Variants in MORC1 observed in about 807,000 individuals in gnomAD.
The protein encoded by MORC1 is MORC family CW-type zinc finger 1.
MORC1 carries 59 observed loss-of-function variants against 134.9 expected under a neutral mutation model. The observed-to-expected ratio is 0.44, with a 90% CI of 0.35 to 0.54. The LOEUF (loss-of-function observed/expected upper bound fraction) is 0.54. Ranked by LOEUF, MORC1 falls within the 20% of genes least tolerant of loss-of-function variation. The pLI is 0.00. For missense variants in MORC1, 947 were observed against 1,134.5 expected, an observed-to-expected ratio of 0.83 and a Z score of 2.37; for synonymous variants, 395 against 391.7, an observed-to-expected ratio of 1.01 and a Z score of -0.10.
chr3:109,047,302 T>A (rs1282237984), intron 14 of MORC1, among the ~76,000 whole-genome samples: 1 of 152,086 alleles, frequency 6.6e-6, no homozygotes, highest in African/African-American at 2.4e-5. Flanking sequence ...CAGGGAAAAA[T>A]CAAACTATAA....
At chr3:109,002,491 C>T (rs1300852036) in intron 20 of MORC1, among the ~76,000 whole-genome samples, 1 of 152,164 alleles carries the variant, frequency 6.6e-6, no homozygotes, top group East Asian at 1.9e-4. Context: ...TTTCATGTGA[C>T]ACACGCATTT....
At position 109,068,920 on chromosome 3, in the gene MORC1, C is replaced by T. The variant is rs1237293604; in HGVS notation, c.815+712G>A. 2.6e-5 allele frequency among the ~76,000 whole-genome samples: 4 copies of T among 152,314 alleles called. No individual in the cohort carries two copies. The South Asian group carries it at 6.2e-4, about 24-fold the overall frequency. On this transcript the variant is annotated intron_variant, in intron 9 of 27. Transcript: ENST00000232603. ...CCTGCAATCCCAGCACTTTGGGAGG[C>T]CAAGGCAGGTGGATCAGTTGAGGTC...
intron 4 of MORC1, 82 bp downstream of exon 4, chr3:109,103,767 T>G: frequency 7.7e-7 from 1 of 1,307,066 alleles, no homozygotes; most frequent in Non-Finnish European, 1.1e-6. Context: ...TGTTTTTGCA[T>G]AGATAGCTCA....
At chr3:109,040,457 A>AAAGGAAGGAAGG (rs1949502808) in intron 14 of MORC1, among the ~76,000 whole-genome samples, 1 of 148,212 alleles carries the variant, frequency 6.7e-6, no homozygotes, top group African/African-American at 2.5e-5. Flanking sequence ...AGAAAGAAAG[A>AAAGGAAGGAAGG]AAGAAAGAAA....
At chr3:109,030,892 A>C (rs1949226589) in intron 16 of MORC1, among the ~76,000 whole-genome samples, 1 of 152,184 alleles carries the variant, frequency 6.6e-6, no homozygotes, top group Non-Finnish European at 1.5e-5. Context: ...GAATACCTCT[A>C]TTTACCCCGA....
At chr3:109,066,017 G>C (rs753434593) in intron 9 of MORC1, among the ~76,000 whole-genome samples, 2 of 151,998 alleles carry the variant, frequency 1.3e-5, no homozygotes, top group African/African-American at 4.8e-5. Flanking sequence ...AATACAAGAC[G>C]GGGGAGAGGG....
intron 24 of MORC1, among the ~76,000 whole-genome samples, chr3:108,976,505 A>T (rs1250094161): frequency 6.6e-6 from 1 of 152,204 alleles, no homozygotes; most frequent in African/African-American, 2.4e-5. Context: ...AACAACAAGA[A>T]AAACAACAAA....
At chr3:109,093,335 G>T in intron 8 of MORC1, 101 bp downstream of exon 8, 1 of 819,240 alleles carries the variant, frequency 1.2e-6, no homozygotes, top group Non-Finnish European at 2.0e-6. Context: ...AATTGTCCCA[G>T]TGCTAAAACC....
intron 21 of MORC1, among the ~76,000 whole-genome samples, chr3:108,996,262 ATGTGCGCGTGCGTGCG>A (rs1559879819): frequency 2.9e-5 from 3 of 103,584 alleles, no homozygotes; most frequent in African/African-American, 1.0e-4. Context: ...GCCTGTGCAC[ATGTGCGCGTGCGTGCG>A]CGCGCGCGCA....
At chr3:109,078,439 T>C (rs183867891) in intron 8 of MORC1, among the ~76,000 whole-genome samples, 1 of 152,122 alleles carries the variant, frequency 6.6e-6, no homozygotes, top group Admixed American at 6.5e-5. Flanking sequence ...AAAACATTTT[T>C]AAAAAGCAAC....
chr3:109,062,214 A>C (rs1950100139), intron 10 of MORC1, among the ~76,000 whole-genome samples, 156 bp from the exon 11 acceptor site: 1 of 152,202 alleles, frequency 6.6e-6, no homozygotes, highest in South Asian at 2.1e-4. Context: ...ACACATGTTA[A>C]ATTTTCCTTC....
chr3:108,982,585 G>GC (rs1039142665), intron 23 of MORC1, among the ~76,000 whole-genome samples: 3 of 151,432 alleles, frequency 2.0e-5, no homozygotes, highest in Non-Finnish European at 2.9e-5. Flanking sequence ...TCGTGGGATG[G>GC]GGGGGGCAGG....
At chr3:109,035,588 C>CAGTTG in intron 14 of MORC1, 120 bp from the exon 15 acceptor site, 1 of 541,826 alleles carries the variant, frequency 1.8e-6, no homozygotes, top group Non-Finnish European at 3.0e-6. Context: ...AATACATATA[C>CAGTTG]AGAAATAAGA....
intron 14 of MORC1, among the ~76,000 whole-genome samples, chr3:109,040,403 A>AAAGAAAGAAG (rs1553753628): frequency 7.4e-5 from 1 of 13,558 alleles, no homozygotes; most frequent in Non-Finnish European, 1.8e-4. Flanking sequence ...AGAAAGAAAG[A>AAAGAAAGAAG]GAAGGAAGGA....
At chr3:109,040,829 C>CAAAAAAAAAA (rs59122147) in intron 14 of MORC1, among the ~76,000 whole-genome samples, 26 of 108,612 alleles carry the variant, frequency 2.4e-4, no homozygotes, top group Admixed American at 3.5e-4. Context: ...AACTCTGTGT[C>CAAAAAAAAAA]AAAAAAAAAA....
intron 26 of MORC1, among the ~76,000 whole-genome samples, chr3:108,969,397 T>C (rs929100403): frequency 6.6e-6 from 1 of 152,212 alleles, no homozygotes; most frequent in Non-Finnish European, 1.5e-5. Flanking sequence ...GGTGAAAATA[T>C]TTCTTTAAAA....
chr3:109,040,829 CAAA>C (rs59122147), intron 14 of MORC1, among the ~76,000 whole-genome samples: 2 of 108,600 alleles, frequency 1.8e-5, no homozygotes, highest in African/African-American at 4.4e-5. Context: ...AACTCTGTGT[CAAA>C]AAAAAAAAAA....
At chr3:108,994,916 C>CAAGAAG (rs1948158095) in intron 21 of MORC1, among the ~76,000 whole-genome samples, 3 of 152,178 alleles carry the variant, frequency 2.0e-5, no homozygotes, top group Admixed American at 1.3e-4. Context: ...GTGGTTACTT[C>CAAGAAG]TTACCTCTCA....
chr3:109,055,908 G>C (rs888635550), intron 13 of MORC1, among the ~76,000 whole-genome samples: 1 of 152,144 alleles, frequency 6.6e-6, no homozygotes, highest in Non-Finnish European at 1.5e-5. Flanking sequence ...GAAGGAAATG[G>C]ACCAGTTTTA....
Sources: gnomAD v4.1 joint callset for allele counts (sites outside exome capture counted in the v4.1 genomes callset) on GRCh38, gnomAD v4.1.1 for gene constraint, MANE v1.5 for transcripts, NCBI Gene and HGNC (gene_info 2026-07-23, HGNC 2026-07-21) for gene names.